The following TENT5D variants were observed in gnomAD, a reference collection of about 807,000 sequenced individuals.
TENT5D encodes terminal nucleotidyltransferase 5D.
For synonymous variants in TENT5D, 103 were observed against 100.6 expected, an observed-to-expected ratio of 1.02 and a Z score of -0.15; for missense variants, 191 against 287.0, an observed-to-expected ratio of 0.67 and a Z score of 2.42.
At chrX:80,409,128 C>G (rs1488419881) in intron 3 of TENT5D, among the ~76,000 whole-genome samples, 1 of 109,083 alleles carries the variant, frequency 9.2e-6, no homozygotes, top group Non-Finnish European at 1.9e-5. Context: ...TATGACAAAC[C>G]CACAGCCAAT....
intron 3 of TENT5D, among the ~76,000 whole-genome samples, chrX:80,400,908 G>A (rs1281111699): frequency 9.0e-6 from 1 of 111,232 alleles, no homozygotes; most frequent in Non-Finnish European, 1.9e-5. Flanking sequence ...TTATGTTTTG[G>A]TGGCTCCATA....
intron 3 of TENT5D, among the ~76,000 whole-genome samples, chrX:80,369,831 T>C (rs1930587463): frequency 8.9e-6 from 1 of 112,012 alleles, no homozygotes; most frequent in South Asian, 3.7e-4. Flanking sequence ...GATTTTGATA[T>C]CTGTAGGTGT....
chrX:80,381,215 T>C (rs921188288), intron 3 of TENT5D, among the ~76,000 whole-genome samples: 1 of 111,920 alleles, frequency 8.9e-6, no homozygotes, highest in Non-Finnish European at 1.9e-5. Flanking sequence ...CCTTCACTTA[T>C]GAAGCTTAGT....
chrX:80,407,302 T>G (rs1489847634), intron 3 of TENT5D, among the ~76,000 whole-genome samples: 1 of 110,772 alleles, frequency 9.0e-6, no homozygotes, highest in Non-Finnish European at 1.9e-5. Flanking sequence ...AGACACAGAC[T>G]GGCAAATTGG....
intron 2 of TENT5D, among the ~76,000 whole-genome samples, chrX:80,339,856 A>AT (rs1929923193): frequency 9.8e-6 from 1 of 102,136 alleles, no homozygotes; most frequent in African/African-American, 3.6e-5. Flanking sequence ...AGTTATCGGA[A>AT]ATATATATAT....
chrX:80,387,528 A>G (rs2147535974), intron 3 of TENT5D, among the ~76,000 whole-genome samples: 1 of 112,204 alleles, frequency 8.9e-6, no homozygotes, highest in East Asian at 2.8e-4. Flanking sequence ...GGTCTTGGAT[A>G]TGATCTCAAA....
At chrX:80,379,566 C>T (rs778728701) in intron 3 of TENT5D, among the ~76,000 whole-genome samples, 2 of 110,966 alleles carry the variant, frequency 1.8e-5, no homozygotes, top group African/African-American at 3.3e-5. Flanking sequence ...TGGTAGAATT[C>T]GGCTGTGAAT....
intron 3 of TENT5D, among the ~76,000 whole-genome samples, chrX:80,348,619 A>C (rs1249641356): frequency 9.0e-6 from 1 of 111,433 alleles, no homozygotes. Context: ...AGACAATTTG[A>C]CTTCCCCTCT....
intron 2 of TENT5D, among the ~76,000 whole-genome samples, chrX:80,341,694 T>C (rs755611769): frequency 9.1e-6 from 1 of 109,548 alleles, no homozygotes; most frequent in African/African-American, 3.3e-5. Context: ...TGAGGTATAC[T>C]GAAAATAATT....
intron 3 of TENT5D, among the ~76,000 whole-genome samples, chrX:80,410,348 A>C (rs1283319949): frequency 1.2e-5 from 1 of 85,033 alleles, no homozygotes. Context: ...TACTCATCTG[A>C]CAAAGGGCTA....
intron 3 of TENT5D, among the ~76,000 whole-genome samples, chrX:80,398,949 A>AT (rs1301275256): frequency 3.6e-5 from 4 of 111,634 alleles, no homozygotes; most frequent in Admixed American, 1.9e-4. Context: ...GACCTTACTC[A>AT]TTTTTTAAAT....
chrX:80,336,472 A>G (rs1929852007), intron 2 of TENT5D, among the ~76,000 whole-genome samples: 1 of 110,276 alleles, frequency 9.1e-6, no homozygotes, highest in Admixed American at 9.9e-5. Context: ...ATGTCCCTAT[A>G]TATTTGAGAA....
chrX:80,370,233 G>C (rs1338216387), intron 3 of TENT5D, among the ~76,000 whole-genome samples: 1 of 110,915 alleles, frequency 9.0e-6, no homozygotes, highest in African/African-American at 3.3e-5. Context: ...GAACCACCAT[G>C]CCTGGCCCAC....
intron 3 of TENT5D, among the ~76,000 whole-genome samples, chrX:80,380,670 A>AGTTAG (rs1407942129): frequency 8.9e-6 from 1 of 111,785 alleles, no homozygotes; most frequent in East Asian, 2.8e-4. Flanking sequence ...TATTTAGGAC[A>AGTTAG]GTTAGCTCTT....
chrX:80,439,208 A>G (rs993876822), intron 2 of TENT5D, among the ~76,000 whole-genome samples: 12 of 111,781 alleles, frequency 1.1e-4, no homozygotes, highest in African/African-American at 3.9e-4. Context: ...GTGGAAAATT[A>G]TTGAAGAGTT....
At chrX:80,403,504 G>T (rs1931427664) in intron 3 of TENT5D, among the ~76,000 whole-genome samples, 1 of 112,437 alleles carries the variant, frequency 8.9e-6, no homozygotes, top group African/African-American at 3.2e-5. Context: ...ATAACACTGG[G>T]TTTCTCAGCC....
chrX:80,408,359 A>T (rs1300034837), intron 3 of TENT5D, among the ~76,000 whole-genome samples: 1 of 111,065 alleles, frequency 9.0e-6, no homozygotes, highest in African/African-American at 3.3e-5. Flanking sequence ...CGCTAGCAAG[A>T]CTAATAAAGG....
At chrX:80,338,561 G>A (rs959640270) in intron 2 of TENT5D, among the ~76,000 whole-genome samples, 1 of 111,949 alleles carries the variant, frequency 8.9e-6, no homozygotes, top group Non-Finnish European at 1.9e-5. Context: ...GTATTACAGA[G>A]AACAAACTTT....
intron 3 of TENT5D, among the ~76,000 whole-genome samples, chrX:80,356,523 G>GA (rs1206110845): frequency 4.5e-5 from 5 of 111,181 alleles, no homozygotes; most frequent in African/African-American, 1.6e-4. Context: ...CAAGTTAGTT[G>GA]ACTGATCTTA....
Sources: allele counts gnomAD v4.1 joint callset (sites outside exome capture counted in the v4.1 genomes callset), GRCh38; gene constraint gnomAD v4.1.1; transcripts MANE v1.5; gene names NCBI Gene and HGNC (gene_info 2026-07-23, HGNC 2026-07-21).